Variants in PCDHA3 observed in about 807,000 individuals in gnomAD.
The protein encoded by PCDHA3 is protocadherin alpha-3.
In PCDHA3, 41 loss-of-function variants were observed where a neutral mutation model predicts 62.2. The ratio of observed to expected loss-of-function variants is 0.66; its 90% confidence interval spans 0.51 to 0.86. PCDHA3 has a LOEUF of 0.86. PCDHA3 is among the 40% of genes least tolerant of loss of function. PCDHA3 has a pLI of 0.00. For missense variants in PCDHA3, 1,304 were observed against 1,241.2 expected (o/e 1.05, Z -0.76); for synonymous variants, 640 against 555.4 (o/e 1.15, Z -2.14).
intron 1 of PCDHA3, among the ~76,000 whole-genome samples, chr5:140,827,392 T>G (rs1346969043): frequency 6.6e-6 from 1 of 152,178 alleles, no homozygotes; most frequent in Non-Finnish European, 1.5e-5. Context: ...TGCAGATAAA[T>G]TAAATGTGAT....
chr5:140,854,220 C>A, intron 1 of PCDHA3: 2 of 616,474 alleles, frequency 3.2e-6, no homozygotes, highest in Non-Finnish European at 4.0e-6. Context: ...TATTGGACAT[C>A]TACATTGGGA....
chr5:140,806,523 G>T (rs1554123633), intron 1 of PCDHA3, among the ~76,000 whole-genome samples: 1 of 152,126 alleles, frequency 6.6e-6, no homozygotes, highest in Non-Finnish European at 1.5e-5. Context: ...AAATGCTGAT[G>T]GTCTTTGATC....
rs781970996 is a variant in PCDHA3 at position 140,869,968 on chromosome 5, A to AT, written c.2394+66377_2394+66378insT. 5 of 1,613,220 alleles carry AT rather than the reference A, an allele frequency of 3.1e-6. No homozygotes were observed. The South Asian group carries it at 5.5e-5, about 18-fold the overall frequency. On this transcript the variant is annotated intron_variant, in intron 1 of 3. Coordinates refer to ENST00000522353, the MANE Select transcript of PCDHA3 (RefSeq NM_018906.3). ...CTTAATGTCAATTAAGCCCAATGGA[A>AT]GACACTTATTTACACTAGATCAAAA...
At chr5:140,927,064 C>T (rs1409465902) in intron 1 of PCDHA3, 2 of 1,611,234 alleles carry the variant, frequency 1.2e-6, no homozygotes, top group Admixed American at 1.7e-5. Flanking sequence ...CTTTCGCTTC[C>T]TTTCCAGCCA....
intron 1 of PCDHA3, chr5:140,828,730 A>G (rs2150158327): frequency 1.2e-6 from 2 of 1,614,250 alleles, no homozygotes; most frequent in Non-Finnish European, 1.7e-6. Context: ...TATTCCTGAC[A>G]GCCACAGATG....
rs114421153 is a variant in PCDHA3, at chr5:140,919,495, A to T, written c.2395-59454A>T. ...TATTTGGATTTATGTTTGTTATTTT[A>T]CTCCTTTTTCTATATGTTTTAATTC... On this transcript the variant is annotated intron_variant, in intron 1 of 3. Coordinates refer to ENST00000522353, the MANE Select transcript of PCDHA3 (RefSeq NM_018906.3). 4.5e-3 allele frequency among the ~76,000 whole-genome samples: 671 copies of T among 150,296 alleles called. 3 individuals are homozygous for T. Among genetic ancestry groups the T allele is most frequent in the African/African-American group, 0.016 (651 of 40,928 alleles).
Position 140,946,525 on chromosome 5 carries a change from A to G in PCDHA3, c.2395-32424A>G, listed in dbSNP as rs115610574. On this transcript the variant is annotated intron_variant, in intron 1 of 3. Transcript: ENST00000522353. ...ATGTCAAAGACCTATCCGCACTCCC[A>G]TGTTCATTGCAGCATTATTCATGAT... 6.9e-3 allele frequency among the ~76,000 whole-genome samples: 1,050 copies of G among 151,290 alleles called. 19 individuals carry two copies. The highest frequency in any genetic ancestry group is 0.024 in the African/African-American group (983 of 41,050).
chr5:140,977,482 A>G lies in PCDHA3; in HGVS notation c.2395-1467A>G, dbSNP rs3776112. ...TTTGGTCTGTAGATAATTTTATGCTATGTTATATGGAATATCCACAGCATT... is the reference window on the plus strand; with the variant it reads ...TTTGGTCTGTAGATAATTTTATGCTGTGTTATATGGAATATCCACAGCATT... On this transcript the variant is annotated intron_variant, in intron 1 of 3. Coordinates refer to ENST00000522353, the MANE Select transcript of PCDHA3 (RefSeq NM_018906.3). Among the ~76,000 whole-genome samples the G allele has an allele frequency of 3.0e-4, 46 of 152,350 alleles. No homozygotes were observed. The East Asian group carries it at 5.4e-3, about 18-fold the overall frequency.
chr5:140,832,500 G>T (rs1772022478), intron 1 of PCDHA3, among the ~76,000 whole-genome samples: 1 of 152,184 alleles, frequency 6.6e-6, no homozygotes, highest in Non-Finnish European at 1.5e-5. Flanking sequence ...AAGAGTGGCA[G>T]AATTGTCTCT....
intron 1 of PCDHA3, chr5:140,862,740 G>A: frequency 1.7e-6 from 1 of 577,772 alleles, no homozygotes; most frequent in South Asian, 1.4e-5. Flanking sequence ...GCTATGTGTG[G>A]GTGCACGCGG....
intron 3 of PCDHA3, among the ~76,000 whole-genome samples, chr5:141,007,994 T>G (rs1339008337): frequency 5.9e-5 from 9 of 152,262 alleles, no homozygotes. Flanking sequence ...GAAATGTACA[T>G]GTTAATAAAC....
chr5:140,861,488 T>C lies in PCDHA3; in HGVS notation c.2394+57897T>C, dbSNP rs182152713. 8.2e-6 allele frequency: 4 copies of C among 489,384 alleles called. No individual in the cohort carries two copies. In the East Asian group the frequency reaches 1.8e-4, roughly 21 times the overall value. The allele number at this position is 489,384 out of a possible 1,614,324, so 30.3% of individuals were successfully genotyped here. A position where few individuals can be genotyped will look rare whatever the true frequency, so the allele number is the denominator to read the frequency against. On this transcript the variant is annotated intron_variant, in intron 1 of 3. Transcript: ENST00000522353. ...ATCTGCAGAATGGCATTTTTGTGAGTTCTCTGATAGACCTCGAGGAGCTGT... is the reference window on the plus strand; with the variant it reads ...ATCTGCAGAATGGCATTTTTGTGAGCTCTCTGATAGACCTCGAGGAGCTGT...
chr5:140,855,092 T>A (rs2043336220), intron 1 of PCDHA3, among the ~76,000 whole-genome samples: 1 of 149,960 alleles, frequency 6.7e-6, no homozygotes, highest in Admixed American at 6.7e-5. Context: ...TCTCAGCCTG[T>A]GCAGTAGCAA....
chr5:140,893,150 A>G (rs1398784015), intron 1 of PCDHA3, among the ~76,000 whole-genome samples: 1 of 152,066 alleles, frequency 6.6e-6, no homozygotes, highest in Non-Finnish European at 1.5e-5. Context: ...TCATCTGTTG[A>G]TGGATATTGA....
chr5:140,836,548 G>C (rs2150263673), intron 1 of PCDHA3: 1 of 1,613,752 alleles, frequency 6.2e-7, no homozygotes, highest in South Asian at 1.1e-5. Flanking sequence ...ACGGCGTTGC[G>C]GTGCTCAGCG....
intron 1 of PCDHA3, chr5:140,884,171 C>T (rs781800470): frequency 6.2e-7 from 1 of 1,613,414 alleles, no homozygotes; most frequent in Admixed American, 1.7e-5. Context: ...CAGCACGACG[C>T]GCCCTCTGGA....
chr5:140,993,462 T>TCACACACACACACA (rs3836747), intron 3 of PCDHA3, among the ~76,000 whole-genome samples: 3 of 140,938 alleles, frequency 2.1e-5, no homozygotes, highest in African/African-American at 5.3e-5. Flanking sequence ...TCTTTCTTTC[T>TCACACACACACACA]CACACACACA....
intron 1 of PCDHA3, among the ~76,000 whole-genome samples, chr5:140,827,743 G>T (rs1236094358): frequency 6.6e-6 from 1 of 152,224 alleles, no homozygotes; most frequent in Non-Finnish European, 1.5e-5. Flanking sequence ...TGAATAATTA[G>T]ATCCCTTACT....
At chr5:140,952,654 G>T (rs541888180) in intron 1 of PCDHA3, among the ~76,000 whole-genome samples, 4 of 152,270 alleles carry the variant, frequency 2.6e-5, no homozygotes, top group African/African-American at 9.6e-5. Context: ...TGGTTACCCA[G>T]TTCCAAAGTC....
Sources: gnomAD v4.1 joint callset for allele counts (sites outside exome capture counted in the v4.1 genomes callset) on GRCh38, gnomAD v4.1.1 for gene constraint, MANE v1.5 for transcripts, NCBI Gene and HGNC (gene_info 2026-07-23, HGNC 2026-07-21) for gene names.